RHOA: variants seen among roughly 807,000 people sequenced by gnomAD.
RHOA encodes the protein ras homolog family member A, also known as transforming protein RhoA.
RHOA carries 3 observed loss-of-function variants against 17.5 expected under a neutral mutation model. The ratio of observed to expected loss-of-function variants is 0.17; its 90% confidence interval spans 0.08 to 0.44. The LOEUF is 0.44. Ranked by LOEUF, RHOA falls within the 20% of genes least tolerant of loss-of-function variation. The pLI, the probability that RHOA is intolerant of heterozygous loss-of-function variation, is 0.99. For synonymous variants in RHOA, 98 were observed against 88.4 expected (o/e 1.11, Z -0.61); for missense variants, 56 against 242.3 (o/e 0.23, Z 5.10).
intron 3 of RHOA, among the ~76,000 whole-genome samples, chr3:49,364,847 C>T (rs903224389): frequency 6.6e-6 from 1 of 151,592 alleles, no homozygotes; most frequent in African/African-American, 2.4e-5. Context: ...TGGTGCATGC[C>T]TGTAATCCCA....
chr3:49,377,073 AGCCGAGATCAT>A (rs1559502627), intron 1 of RHOA, among the ~76,000 whole-genome samples: 1 of 152,192 alleles, frequency 6.6e-6, no homozygotes, highest in African/African-American at 2.4e-5. Flanking sequence ...GGTTGTGGTG[AGCCGAGATCAT>A]GCCATTGCAC....
intron 4 of RHOA, among the ~76,000 whole-genome samples, chr3:49,362,291 A>AAAAACATTCC (rs1178676397): frequency 6.6e-6 from 1 of 152,190 alleles, no homozygotes; most frequent in Non-Finnish European, 1.5e-5. Context: ...TACCTCATAA[A>AAAAACATTCC]AAAACATTCC....
intron 1 of RHOA, among the ~76,000 whole-genome samples, chr3:49,407,959 A>G (rs766997443): frequency 6.6e-5 from 10 of 152,152 alleles, no homozygotes; most frequent in Non-Finnish European, 1.3e-4. Flanking sequence ...CAGGAGTTCG[A>G]GAACAGCCTG....
intron 1 of RHOA, among the ~76,000 whole-genome samples, chr3:49,381,512 T>C (rs965919777): frequency 5.3e-5 from 8 of 150,408 alleles, no homozygotes; most frequent in African/African-American, 2.0e-4. Flanking sequence ...CAGGCGGAGG[T>C]TGCAGTGAGC....
At chr3:49,376,479 T>C (rs571822966) in intron 1 of RHOA, among the ~76,000 whole-genome samples, 1 of 149,058 alleles carries the variant, frequency 6.7e-6, no homozygotes, top group Non-Finnish European at 1.5e-5. Context: ...CCATCTCTAC[T>C]AAAAATACAA....
chr3:49,396,465 T>C (rs2048618074), intron 1 of RHOA, among the ~76,000 whole-genome samples: 1 of 151,860 alleles, frequency 6.6e-6, no homozygotes, highest in Non-Finnish European at 1.5e-5. Context: ...ATCCCAGTAC[T>C]TTGGAAGCCA....
intron 4 of RHOA, among the ~76,000 whole-genome samples, chr3:49,360,776 T>C (rs2047953405): frequency 6.6e-6 from 1 of 151,368 alleles, no homozygotes; most frequent in Non-Finnish European, 1.5e-5. Flanking sequence ...AAAAAGACTT[T>C]CAAAAGCTGT....
chr3:49,395,490 A>G (rs1463070534), intron 1 of RHOA, among the ~76,000 whole-genome samples: 1 of 152,102 alleles, frequency 6.6e-6, no homozygotes, highest in Non-Finnish European at 1.5e-5. Context: ...AGGGGTGCAG[A>G]TCACCTGAGG....
At chr3:49,402,348 T>C (rs143924467) in intron 1 of RHOA, among the ~76,000 whole-genome samples, 37 of 152,284 alleles carry the variant, frequency 2.4e-4, no homozygotes, top group African/African-American at 8.9e-4. Flanking sequence ...ATGCTTATTG[T>C]AAACCTTATT....
At chr3:49,390,546 G>A (rs770081694) in intron 1 of RHOA, among the ~76,000 whole-genome samples, 1 of 150,526 alleles carries the variant, frequency 6.6e-6, no homozygotes, top group Non-Finnish European at 1.5e-5. Flanking sequence ...TTACAGGTAT[G>A]AGCCACCACG....
intron 1 of RHOA, among the ~76,000 whole-genome samples, chr3:49,386,058 G>A (rs2048390294): frequency 6.6e-6 from 1 of 151,990 alleles, no homozygotes; most frequent in Non-Finnish European, 1.5e-5. Flanking sequence ...GTTATTCTGG[G>A]TCCCCTGAAT....
At chr3:49,360,988 G>A (rs963486848) in intron 4 of RHOA, 12 of 286,156 alleles carry the variant, frequency 4.2e-5, no homozygotes, top group South Asian at 7.6e-5. Flanking sequence ...CAGGGGAATC[G>A]CTTAAATCTG....
In RHOA at chr3:49,384,002, C is replaced by A. The variant is rs549144442; in HGVS notation, c.-2-8411G>T. On this transcript the variant is annotated intron_variant, in intron 1 of 4. Transcript: ENST00000418115. ...CCGAGATTGCACTACTGCATTACAG[C>A]CTGGGCGGCAGAGTGAGACTGTGTC... Among the ~76,000 whole-genome samples, 193 of 152,162 alleles carry A rather than the reference C, an allele frequency of 1.3e-3. 1 individual carries two copies. Among genetic ancestry groups the A allele is most frequent in the African/African-American group, 4.2e-3 (176 of 41,508 alleles).
intron 1 of RHOA, among the ~76,000 whole-genome samples, chr3:49,393,676 CTG>C (rs71080504): frequency 0.011 from 112 of 10,348 alleles, 4 homozygotes; most frequent in African/African-American, 0.026. Flanking sequence ...AATTCTCTCT[CTG>C]TGTGTGTGTG....
rs2048212363 is a variant in RHOA at position 49,375,539 on chromosome 3, T to C, written c.51A>G (p.Gly17=). ...KLVIVGDGAC[G]KTCLLIVFSK... is the part of the protein sequence containing the mutation. ...TGAAGACTATGAGCAAGCATGTCTT[T>C]CCACAGGCTCCATCACCAACAATCA... is the stretch of plus-strand genomic sequence containing the variant. Residue 17 remains glycine (G), a synonymous_variant, in exon 2 of 5, where the codon GGA becomes GGG. Transcript: ENST00000418115. 1.9e-6 allele frequency: 3 copies of C among 1,613,984 alleles called. No homozygotes were observed. The highest frequency in any genetic ancestry group is 2.7e-5 in the African/African-American group (2 of 74,922).
chr3:49,381,366 T>G (rs1311729776), intron 1 of RHOA, among the ~76,000 whole-genome samples: 1 of 150,330 alleles, frequency 6.7e-6, no homozygotes. Flanking sequence ...TATCTCGCCA[T>G]TGCATTCCAG....
intron 2 of RHOA, among the ~76,000 whole-genome samples, chr3:49,374,590 G>A (rs1408797354): frequency 1.3e-5 from 2 of 151,896 alleles, no homozygotes; most frequent in East Asian, 1.9e-4. Flanking sequence ...GGCGGCGTGC[G>A]CCTGTAATCC....
At chr3:49,406,404 A>G (rs1034633240) in intron 1 of RHOA, among the ~76,000 whole-genome samples, 7 of 152,220 alleles carry the variant, frequency 4.6e-5, no homozygotes, top group African/African-American at 1.7e-4. Flanking sequence ...GCTCAACCAT[A>G]TACTTGAAGT....
chr3:49,394,992 G>C (rs147751910), intron 1 of RHOA, among the ~76,000 whole-genome samples: 132 of 151,994 alleles, frequency 8.7e-4, no homozygotes, highest in African/African-American at 2.8e-3. Context: ...GCTCACGCTT[G>C]TAATCCCAGC....
Sources: allele counts gnomAD v4.1 joint callset (sites outside exome capture counted in the v4.1 genomes callset), GRCh38; gene constraint gnomAD v4.1.1; transcripts MANE v1.5; gene names NCBI Gene and HGNC (gene_info 2026-07-23, HGNC 2026-07-21).